Variants in DCLK1 observed in about 807,000 individuals in gnomAD.
The protein encoded by DCLK1 is serine/threonine-protein kinase DCLK1.
A neutral mutation model predicts 86.2 loss-of-function variants in DCLK1; 16 were observed. The observed-to-expected ratio is 0.19, with a 90% confidence interval of 0.13 to 0.28. The LOEUF (loss-of-function observed/expected upper bound fraction) is 0.28, where lower values mean the gene tolerates loss of function less well. DCLK1 is among the 10% of genes least tolerant of loss of function. The pLI is 1.00. For missense variants in DCLK1, 590 were observed against 940.2 expected (o/e 0.63, Z 4.87); for synonymous variants, 369 against 370.5 (o/e 1.00, Z 0.05).
chr13:35,854,910 A>C (rs899970091), intron 5 of DCLK1, among the ~76,000 whole-genome samples: 3 of 152,240 alleles, frequency 2.0e-5, no homozygotes, highest in African/African-American at 7.2e-5. Context: ...TGGTCCTGAG[A>C]CATTTTCAAT....
rs575973871 is a variant in DCLK1 at position 35,953,175 on chromosome 13, A to G, written c.724-5718T>C. ...ATCCTTTCAACTCTGAAAGAGACAAACTCTATTTGACAATAATTTATTGGT... is the reference window on the plus strand; with the variant it reads ...ATCCTTTCAACTCTGAAAGAGACAAGCTCTATTTGACAATAATTTATTGGT... On this transcript the variant is annotated intron_variant, in intron 3 of 16. Coordinates refer to ENST00000360631, the MANE Select transcript of DCLK1 (RefSeq NM_001330071.2). 7.2e-5 allele frequency among the ~76,000 whole-genome samples: 11 copies of G among 152,270 alleles called. No homozygotes were observed. The South Asian group carries it at 2.1e-3, about 29-fold the overall frequency.
intron 15 of DCLK1, among the ~76,000 whole-genome samples, chr13:35,804,525 C>T (rs775915971): frequency 6.7e-6 from 1 of 150,302 alleles, no homozygotes; most frequent in African/African-American, 2.5e-5. Context: ...CTCTGCCTCC[C>T]GGGTTCAAGT....
At chr13:36,131,039 G>A (rs944306926) in intron 1 of DCLK1, 75 bp downstream of exon 1, 88 of 150,480 alleles carry the variant, frequency 5.8e-4, no homozygotes, top group African/African-American at 2.0e-3. Context: ...CGCGGCTGCG[G>A]GCGGAGCGGG....
At chr13:35,851,015 T>C (rs1020510913) in intron 6 of DCLK1, among the ~76,000 whole-genome samples, 5 of 152,204 alleles carry the variant, frequency 3.3e-5, no homozygotes, top group African/African-American at 1.2e-4. Context: ...ATCTTTTGCC[T>C]TCCTTGATGC....
intron 3 of DCLK1, among the ~76,000 whole-genome samples, chr13:36,106,243 C>G (rs2138176688): frequency 6.6e-6 from 1 of 152,152 alleles, no homozygotes; most frequent in South Asian, 2.1e-4. Context: ...TTTGGAGGCA[C>G]TAACATCTAC....
At chr13:35,908,496 G>A (rs866346266) in intron 4 of DCLK1, among the ~76,000 whole-genome samples, 1 of 152,154 alleles carries the variant, frequency 6.6e-6, no homozygotes, top group East Asian at 1.9e-4. Flanking sequence ...ATTTAGCTCC[G>A]AAAAGCTTCT....
chr13:36,051,762 T>C (rs1020307538), intron 3 of DCLK1, among the ~76,000 whole-genome samples: 7 of 152,152 alleles, frequency 4.6e-5, no homozygotes, highest in Non-Finnish European at 8.8e-5. Flanking sequence ...TAAGGTACTA[T>C]TCAGCCTCAC....
intron 4 of DCLK1, among the ~76,000 whole-genome samples, chr13:35,933,709 C>G (rs1041050262): frequency 1.3e-5 from 2 of 152,172 alleles, no homozygotes; most frequent in African/African-American, 4.8e-5. Flanking sequence ...AGCTCAGGGA[C>G]CCTGGGCCCA....
chr13:35,976,207 T>A (rs1879319170), intron 3 of DCLK1, among the ~76,000 whole-genome samples: 1 of 151,884 alleles, frequency 6.6e-6, no homozygotes, highest in African/African-American at 2.4e-5. Flanking sequence ...AGAAAGGAGG[T>A]CAGTCCTGAC....
intron 3 of DCLK1, among the ~76,000 whole-genome samples, chr13:35,963,807 A>G (rs945731911): frequency 1.3e-5 from 2 of 152,174 alleles, no homozygotes; most frequent in Admixed American, 6.5e-5. Flanking sequence ...TCTAATCTGC[A>G]GCCATGTAAG....
intron 3 of DCLK1, among the ~76,000 whole-genome samples, chr13:36,013,538 T>C (rs571743725): frequency 3.3e-5 from 5 of 152,282 alleles, no homozygotes; most frequent in Admixed American, 3.3e-4. Flanking sequence ...GTTAGGCTGC[T>C]CGGGGGTCAG....
intron 4 of DCLK1, among the ~76,000 whole-genome samples, chr13:35,877,933 T>A (rs926730301): frequency 7.9e-5 from 12 of 152,350 alleles, no homozygotes; most frequent in African/African-American, 2.9e-4. Flanking sequence ...AATTCTCCAA[T>A]AAGTTGCCCC....
intron 4 of DCLK1, among the ~76,000 whole-genome samples, chr13:35,914,069 G>A: frequency 6.6e-6 from 1 of 152,044 alleles, no homozygotes; most frequent in Middle Eastern, 3.2e-3. Flanking sequence ...TGTAGTCCCA[G>A]CACTTTGGGA....
At position 35,947,572 on chromosome 13, in the gene DCLK1, G is replaced by A. The variant is rs1424305501; in HGVS notation, c.724-115C>T. 1.4e-5 allele frequency: 10 copies of A among 699,152 alleles called. No individual in the cohort carries two copies. In the Admixed American group the frequency reaches 2.9e-4, roughly 20 times the overall value. 43.3% of individuals were successfully genotyped at this position (699,152 alleles called of 1,614,324 possible). On this transcript the variant is annotated intron_variant, in intron 3 of 16. Coordinates refer to ENST00000360631, the MANE Select transcript of DCLK1 (RefSeq NM_001330071.2). ...CTTCCCACCTAATGGAATCAACAGG[G>A]CAGCTTCCACAGAGGAATTTCAAAA... is the stretch of plus-strand genomic sequence containing the variant.
intron 6 of DCLK1, chr13:35,850,830 G>C (rs1451384937): frequency 2.0e-6 from 3 of 1,509,336 alleles, no homozygotes; most frequent in Non-Finnish European, 2.7e-6. Context: ...TGGGTGCCCT[G>C]TGGCTCTCGT....
chr13:35,851,108 T>G (rs1381154753), intron 6 of DCLK1, among the ~76,000 whole-genome samples: 4 of 152,196 alleles, frequency 2.6e-5, no homozygotes, highest in African/African-American at 9.7e-5. Flanking sequence ...GACCATTTCC[T>G]TCCCATTCTT....
intron 3 of DCLK1, among the ~76,000 whole-genome samples, chr13:35,955,117 G>A (rs1877910672): frequency 6.6e-6 from 1 of 151,950 alleles, no homozygotes; most frequent in Non-Finnish European, 1.5e-5. Flanking sequence ...TTTATGCATG[G>A]ATCACCATCT....
intron 4 of DCLK1, among the ~76,000 whole-genome samples, chr13:35,937,523 T>C (rs1156244362): frequency 6.6e-6 from 1 of 152,054 alleles, no homozygotes; most frequent in Non-Finnish European, 1.5e-5. Flanking sequence ...TCTAGCTAGG[T>C]GTGGAAATGG....
intron 15 of DCLK1, among the ~76,000 whole-genome samples, chr13:35,804,701 G>C (rs113860796): frequency 0.021 from 3,127 of 152,252 alleles, 58 homozygotes; most frequent in Non-Finnish European, 0.033. Context: ...CCAAAGTGCT[G>C]GGATTACAGG....
Sources: allele counts gnomAD v4.1 joint callset (sites outside exome capture counted in the v4.1 genomes callset), GRCh38; gene constraint gnomAD v4.1.1; transcripts MANE v1.5; gene names NCBI Gene and HGNC (gene_info 2026-07-23, HGNC 2026-07-21).